The following ACTR3C variants were observed in gnomAD, a reference collection of about 807,000 sequenced individuals.
The protein encoded by ACTR3C is actin related protein 3C.
In ACTR3C, 18 loss-of-function variants were observed where a neutral mutation model predicts 26.3. The ratio of observed to expected loss-of-function variants is 0.68; its 90% CI spans 0.47 to 1.01. ACTR3C has a LOEUF of 1.01. ACTR3C is among the 50% of genes least tolerant of loss of function. ACTR3C has a pLI of 0.00. For synonymous variants in ACTR3C, 55 were observed against 94.5 expected (o/e 0.58, Z 2.42); for missense variants, 184 against 250.7 (o/e 0.73, Z 1.80).
At chr7:150,177,269 A>AT in the ACTR3C span, among the ~76,000 whole-genome samples, 32 of 150,584 alleles carry the variant, frequency 2.1e-4, no homozygotes, top group South Asian at 6.2e-3. Context: ...TAGTTAACTA[A>AT]TTTTTTCCAT....
the ACTR3C span, among the ~76,000 whole-genome samples, chr7:150,180,138 T>C: frequency 6.7e-6 from 1 of 150,012 alleles, no homozygotes; most frequent in Admixed American, 6.6e-5. Flanking sequence ...ACCCCATCTC[T>C]ACTAAAAATA....
chr7:150,047,932 G>T, the ACTR3C span: 8 of 1,253,454 alleles, frequency 6.4e-6, no homozygotes, highest in African/African-American at 1.3e-4. Context: ...TCCCCACCCC[G>T]CTCCAGATTA....
At chr7:150,298,469 C>A (rs1347884195) in intron 1 of ACTR3C, among the ~76,000 whole-genome samples, 1 of 149,030 alleles carries the variant, frequency 6.7e-6, no homozygotes, top group Non-Finnish European at 1.5e-5. Flanking sequence ...GGATCAAATC[C>A]CAGCCTTCCA....
chr7:150,181,365 A>AG, the ACTR3C span, among the ~76,000 whole-genome samples: 1 of 150,856 alleles, frequency 6.6e-6, no homozygotes, highest in African/African-American at 2.5e-5. Context: ...GAAAAAAAAA[A>AG]CAGTTTTAAA....
downstream of ACTR3C, among the ~76,000 whole-genome samples, chr7:150,243,320 G>A (rs949087228): frequency 2.0e-5 from 3 of 151,108 alleles, no homozygotes; most frequent in African/African-American, 7.3e-5. Flanking sequence ...TAATCTCCAA[G>A]GTAAAAAATA....
the ACTR3C span, among the ~76,000 whole-genome samples, chr7:149,986,749 T>C: frequency 5.3e-5 from 8 of 151,762 alleles, no homozygotes; most frequent in Non-Finnish European, 1.2e-4. Context: ...AAAGCCACAG[T>C]TGACAAATGT....
chr7:150,194,337 T>TTATCAGAGGCAAAAGTCTTTTA, the ACTR3C span, among the ~76,000 whole-genome samples: 1 of 147,758 alleles, frequency 6.8e-6, no homozygotes, highest in Non-Finnish European at 1.5e-5. Flanking sequence ...ACAAGAAAAA[T>TTATCAGAGGCAAAAGTCTTTTA]TATCAGAGGC....
At chr7:150,149,121 A>G in the ACTR3C span, among the ~76,000 whole-genome samples, 1 of 99,428 alleles carries the variant, frequency 1.0e-5, no homozygotes, top group African/African-American at 3.9e-5. Context: ...ATATATATAT[A>G]TATATGCATT....
At chr7:150,065,046 G>T in the ACTR3C span, among the ~76,000 whole-genome samples, 2 of 151,660 alleles carry the variant, frequency 1.3e-5, no homozygotes, top group African/African-American at 4.8e-5. Flanking sequence ...GTGTTTAGAT[G>T]GATAAATGCC....
At chr7:150,259,877 G>A (rs1241605213) in intron 6 of ACTR3C, among the ~76,000 whole-genome samples, 3 of 152,112 alleles carry the variant, frequency 2.0e-5, no homozygotes, top group Non-Finnish European at 4.4e-5. Context: ...TTCCTCACCA[G>A]GGCACCTTAA....
At chr7:149,999,254 C>A in the ACTR3C span, among the ~76,000 whole-genome samples, 1 of 150,964 alleles carries the variant, frequency 6.6e-6, no homozygotes, top group South Asian at 2.1e-4. Flanking sequence ...CATAATAATT[C>A]TGTTTAGCAA....
the ACTR3C span, among the ~76,000 whole-genome samples, chr7:150,040,819 G>C: frequency 6.8e-5 from 10 of 147,288 alleles, 1 homozygote; most frequent in South Asian, 2.2e-3. Flanking sequence ...TCCCCACCCT[G>C]TGATGGGGGT....
intron 6 of ACTR3C, among the ~76,000 whole-genome samples, chr7:150,265,747 A>G (rs1470795643): frequency 6.6e-6 from 1 of 151,722 alleles, no homozygotes. Flanking sequence ...AAAGTGATAC[A>G]CTCTTTATTC....
intron 3 of ACTR3C, among the ~76,000 whole-genome samples, chr7:150,292,179 A>C (rs1563187796): frequency 1.3e-5 from 2 of 150,618 alleles, no homozygotes; most frequent in Non-Finnish European, 2.9e-5. Flanking sequence ...ACACAAACAC[A>C]CCCCCCCATA....
intron 6 of ACTR3C, among the ~76,000 whole-genome samples, chr7:150,282,499 C>G (rs1835428884): frequency 7.0e-6 from 1 of 142,914 alleles, no homozygotes; most frequent in Non-Finnish European, 1.5e-5. Flanking sequence ...AGCCCCAGGA[C>G]ATTCAATCCT....
At chr7:150,120,663 G>A in the ACTR3C span, among the ~76,000 whole-genome samples, 1 of 151,968 alleles carries the variant, frequency 6.6e-6, no homozygotes, top group Non-Finnish European at 1.5e-5. Flanking sequence ...GAGGTACAAA[G>A]AGGAGCTGGT....
chr7:149,918,763 C>T, the ACTR3C span, among the ~76,000 whole-genome samples: 2 of 152,134 alleles, frequency 1.3e-5, no homozygotes, highest in African/African-American at 2.4e-5. Context: ...AAGGTGACAA[C>T]AGCAAGATTT....
chr7:149,928,401 T>C, the ACTR3C span, among the ~76,000 whole-genome samples: 1 of 104,806 alleles, frequency 9.5e-6, no homozygotes, highest in African/African-American at 3.3e-5. Context: ...TTTTTTTTTT[T>C]AGTAGAGACG....
At chr7:150,171,794 T>A in the ACTR3C span, among the ~76,000 whole-genome samples, 1 of 149,716 alleles carries the variant, frequency 6.7e-6, no homozygotes. Context: ...ATAAAAGAGG[T>A]GGCATCACTA....
Sources: allele counts gnomAD v4.1 joint callset (sites outside exome capture counted in the v4.1 genomes callset), GRCh38; gene constraint gnomAD v4.1.1; transcripts MANE v1.5; gene names NCBI Gene and HGNC (gene_info 2026-07-23, HGNC 2026-07-21).